Variants in PTPRK observed in about 807,000 individuals in gnomAD.
PTPRK encodes protein tyrosine phosphatase receptor type K.
In PTPRK, 75 loss-of-function variants were observed where a neutral mutation model predicts 178.0. The ratio of observed to expected loss-of-function variants is 0.42; its 90% confidence interval spans 0.35 to 0.51. The LOEUF is 0.51. Among genes scored for constraint, PTPRK ranks in the 20% least tolerant of loss-of-function variants. The pLI, the probability that PTPRK is intolerant of heterozygous loss-of-function variation, is 0.02. For synonymous variants in PTPRK, 637 were observed against 620.6 expected (o/e 1.03, Z -0.39); for missense variants, 1,441 against 1,797.8 (o/e 0.80, Z 3.59).
intron 3 of PTPRK, among the ~76,000 whole-genome samples, chr6:128,300,233 A>G (rs1825335897): frequency 6.6e-6 from 1 of 152,114 alleles, no homozygotes; most frequent in Non-Finnish European, 1.5e-5. Flanking sequence ...CAGGTGCTGG[A>G]GAGGATATGG....
chr6:128,336,728 T>C (rs1361505916), intron 2 of PTPRK, among the ~76,000 whole-genome samples: 2 of 152,228 alleles, frequency 1.3e-5, no homozygotes, highest in East Asian at 3.8e-4. Context: ...GAACTGTTTC[T>C]GTAACTAAAC....
chr6:128,412,345 A>G (rs1842402507), intron 1 of PTPRK, among the ~76,000 whole-genome samples: 1 of 152,212 alleles, frequency 6.6e-6, no homozygotes. Flanking sequence ...ACAACAACCT[A>G]AAAAGTTGGG....
chr6:128,214,227 T>C (rs1808793267), intron 6 of PTPRK, among the ~76,000 whole-genome samples: 1 of 152,122 alleles, frequency 6.6e-6, no homozygotes, highest in South Asian at 2.1e-4. Context: ...ATATGCATAG[T>C]AAATAACTGA....
chr6:128,001,091 G>A (rs1375737274), intron 15 of PTPRK: 11 of 821,172 alleles, frequency 1.3e-5, no homozygotes, highest in African/African-American at 8.6e-5. Flanking sequence ...GACTAGTAGT[G>A]AGGGTACACG....
At chr6:127,981,012 T>G in intron 25 of PTPRK, 104 bp downstream of exon 25, 2 of 1,151,972 alleles carry the variant, frequency 1.7e-6, no homozygotes, top group Non-Finnish European at 2.4e-6. Context: ...CACTTTTCCT[T>G]TTTAGGTTAT....
chr6:128,302,666 A>G (rs1438150021), intron 3 of PTPRK, among the ~76,000 whole-genome samples: 3 of 151,036 alleles, frequency 2.0e-5, no homozygotes. Flanking sequence ...TTAACTCGTT[A>G]TATGTTGCTT....
intron 1 of PTPRK, among the ~76,000 whole-genome samples, chr6:128,466,869 A>C (rs2128415915): frequency 6.6e-6 from 1 of 152,354 alleles, no homozygotes; most frequent in South Asian, 2.1e-4. Context: ...AAACCCTTAA[A>C]AAATATCAGA....
intron 6 of PTPRK, among the ~76,000 whole-genome samples, chr6:128,196,231 T>C (rs1258943032): frequency 2.6e-5 from 4 of 152,020 alleles, no homozygotes; most frequent in African/African-American, 7.2e-5. Context: ...TATAAGGACT[T>C]CTGAAAAAAT....
chr6:127,999,897 C>T, intron 15 of PTPRK: 1 of 837,132 alleles, frequency 1.2e-6, no homozygotes, highest in Non-Finnish European at 1.4e-6. Flanking sequence ...AGCGTAAGTC[C>T]CTTCCCAATT....
intron 13 of PTPRK, among the ~76,000 whole-genome samples, chr6:128,013,410 C>T (rs759485689): frequency 1.3e-5 from 2 of 151,374 alleles, no homozygotes; most frequent in African/African-American, 4.8e-5. Flanking sequence ...GAATTCCTGA[C>T]CCATGGAGTC....
chr6:128,102,315 A>G (rs1319315458), intron 7 of PTPRK, among the ~76,000 whole-genome samples: 1 of 152,200 alleles, frequency 6.6e-6, no homozygotes, highest in African/African-American at 2.4e-5. Flanking sequence ...TATATAACTC[A>G]CTGTGTGATA....
intron 5 of PTPRK, among the ~76,000 whole-genome samples, chr6:128,239,193 C>A (rs1035956213): frequency 1.5e-5 from 2 of 135,138 alleles, no homozygotes; most frequent in Non-Finnish European, 3.1e-5. Context: ...CTTATTAAAT[C>A]TCTTTCCTCA....
chr6:128,192,750 G>A (rs563499155), intron 6 of PTPRK, among the ~76,000 whole-genome samples: 3 of 150,014 alleles, frequency 2.0e-5, no homozygotes, highest in Non-Finnish European at 4.4e-5. Flanking sequence ...TGGGAAAGTT[G>A]AAGCTGTAGT....
intron 3 of PTPRK, among the ~76,000 whole-genome samples, chr6:128,301,744 A>T (rs1380613492): frequency 2.0e-5 from 3 of 152,082 alleles, no homozygotes; most frequent in Non-Finnish European, 2.9e-5. Context: ...GAATATACAC[A>T]CTGTTTGAGT....
chr6:128,153,669 T>C (rs1348803224), intron 7 of PTPRK, among the ~76,000 whole-genome samples: 1 of 151,934 alleles, frequency 6.6e-6, no homozygotes, highest in Non-Finnish European at 1.5e-5. Context: ...AAGAATCAGC[T>C]AGTTTATAAA....
chr6:128,484,103 G>C (rs1019484384), intron 1 of PTPRK, among the ~76,000 whole-genome samples: 4 of 151,958 alleles, frequency 2.6e-5, no homozygotes, highest in Non-Finnish European at 5.9e-5. Context: ...GTAAATCCTA[G>C]ATAGACACCT....
intron 1 of PTPRK, among the ~76,000 whole-genome samples, chr6:128,489,113 C>T (rs1203479373): frequency 6.6e-6 from 1 of 152,094 alleles, no homozygotes; most frequent in African/African-American, 2.4e-5. Context: ...TTCTCTAGTA[C>T]ACTTTCCACA....
chr6:128,193,805 T>G (rs2128253191), intron 6 of PTPRK, among the ~76,000 whole-genome samples: 1 of 152,206 alleles, frequency 6.6e-6, no homozygotes, highest in East Asian at 1.9e-4. Flanking sequence ...ATAACTTTAT[T>G]ACCTGCTTGA....
chr6:128,008,634 ACT>A (rs1166077484), intron 14 of PTPRK, among the ~76,000 whole-genome samples: 2 of 151,084 alleles, frequency 1.3e-5, no homozygotes, highest in African/African-American at 4.8e-5. Context: ...AAAACAATTT[ACT>A]CTCTATTTTA....
Sources: gnomAD v4.1 joint callset for allele counts (sites outside exome capture counted in the v4.1 genomes callset) on GRCh38, gnomAD v4.1.1 for gene constraint, MANE v1.5 for transcripts, NCBI Gene and HGNC (gene_info 2026-07-23, HGNC 2026-07-21) for gene names.